The following KIF16B variants were observed in gnomAD, a reference collection of about 807,000 sequenced individuals.
KIF16B encodes the protein kinesin-like protein KIF16B.
Under a neutral mutation model 156.3 loss-of-function variants are expected in KIF16B, and 98 were observed. The observed-to-expected ratio is 0.63, with a 90% CI of 0.53 to 0.74. The LOEUF is 0.74. Ranked by LOEUF, KIF16B falls within the 30% of genes least tolerant of loss-of-function variation. The probability of loss-of-function intolerance (pLI) is 0.00; values close to 1 mark genes in which losing one functional copy is unlikely to be tolerated. For synonymous variants in KIF16B, 564 were observed against 583.7 expected (o/e 0.97, Z 0.49); for missense variants, 1,421 against 1,606.5 (o/e 0.88, Z 1.97).
intron 12 of KIF16B, among the ~76,000 whole-genome samples, chr20:16,492,353 C>T (rs576676635): frequency 6.6e-6 from 1 of 152,220 alleles, no homozygotes; most frequent in African/African-American, 2.4e-5. Context: ...ATATCAAACA[C>T]GAGCAGAAAA....
At chr20:16,469,561 T>TA (rs368181137) in intron 12 of KIF16B, among the ~76,000 whole-genome samples, 2,564 of 110,272 alleles carry the variant, frequency 0.023, 39 homozygotes, top group African/African-American at 0.038. Flanking sequence ...CCACCTTAAC[T>TA]AAAAAAAAAA....
At chr20:16,408,382 A>T (rs2065838839) in intron 15 of KIF16B, among the ~76,000 whole-genome samples, 1 of 152,118 alleles carries the variant, frequency 6.6e-6, no homozygotes, top group South Asian at 2.1e-4. Context: ...TTATGGCAAG[A>T]CCATTACCAT....
intron 1 of KIF16B, among the ~76,000 whole-genome samples, chr20:16,535,328 T>G (rs2069916841): frequency 6.6e-6 from 1 of 152,218 alleles, no homozygotes; most frequent in Admixed American, 6.5e-5. Context: ...GCTATTGACT[T>G]TTGTATGTTG....
intron 17 of KIF16B, among the ~76,000 whole-genome samples, chr20:16,401,303 C>T (rs1464198759): frequency 6.6e-6 from 1 of 152,208 alleles, no homozygotes; most frequent in Non-Finnish European, 1.5e-5. Flanking sequence ...CAAGATGAGG[C>T]CCTCTTCCCA....
chr20:16,476,770 C>T (rs569397308), intron 12 of KIF16B, among the ~76,000 whole-genome samples: 2 of 152,006 alleles, frequency 1.3e-5, no homozygotes, highest in Non-Finnish European at 2.9e-5. Flanking sequence ...TATTTATTTA[C>T]TTTTTTTGAG....
At chr20:16,413,281 C>T (rs777868771) in intron 15 of KIF16B, among the ~76,000 whole-genome samples, 6 of 152,108 alleles carry the variant, frequency 3.9e-5, no homozygotes, top group Non-Finnish European at 8.8e-5. Context: ...GGGGACATGA[C>T]ATTGTGAAAG....
chr20:16,537,889 A>G (rs904364737), intron 1 of KIF16B, among the ~76,000 whole-genome samples: 14 of 151,616 alleles, frequency 9.2e-5, no homozygotes, highest in African/African-American at 3.4e-4. Context: ...TTTTTAGTAG[A>G]GACGGGGTTT....
rs142402240 is a variant in KIF16B, at chr20:16,367,223, C to T, written c.3498+3363G>A. On this transcript the variant is annotated intron_variant, in intron 22 of 25. Coordinates refer to ENST00000354981, the MANE Select transcript of KIF16B (RefSeq NM_024704.5). ...AAAGTAAGTTTCCAGACCTCAGGTG[C>T]GACATTCTGACTGCCTTGAAGATAC... is the stretch of plus-strand genomic sequence containing the variant. 2.0e-3 allele frequency: 3,228 copies of T among 1,612,754 alleles called. 7 individuals carry two copies. Among genetic ancestry groups the T allele is most frequent in the Admixed American group, 4.5e-3 (268 of 60,018 alleles).
chr20:16,558,038 C>T (rs1237918139), intron 1 of KIF16B, among the ~76,000 whole-genome samples: 1 of 152,104 alleles, frequency 6.6e-6, no homozygotes, highest in Non-Finnish European at 1.5e-5. Context: ...ACAGGAAACA[C>T]CAGCAATAGG....
At chr20:16,406,536 G>A in intron 15 of KIF16B, 80 bp from the exon 16 acceptor site, 2 of 1,166,000 alleles carry the variant, frequency 1.7e-6, no homozygotes, top group South Asian at 1.2e-5. Flanking sequence ...GAATTCTACT[G>A]TTGAAATGTA....
Position 16,427,235 on chromosome 20 carries a change from T to C in KIF16B, c.1481A>G (p.His494Arg), listed in dbSNP as rs199868135. Residue 494 changes from histidine to arginine, a missense_variant, in exon 15 of 26, where the codon CAT (histidine) becomes CGT (arginine). Coordinates refer to ENST00000354981, the MANE Select transcript of KIF16B (RefSeq NM_024704.5). The stretch of plus-strand genomic sequence containing the variant: ...ATGCTCACTCTCCAAGTCAAGGCCA[T>C]GAAGAACTAAAGTGGAAAAACAAAG... ...DASTEQDIVL[H>R]GLDLESEHCI... 1 of 1,609,232 alleles carries C rather than the reference T, an allele frequency of 6.2e-7. No individual in the cohort carries two copies. Among genetic ancestry groups the C allele is most frequent in the East Asian group, 2.2e-5 (1 of 44,762 alleles).
intron 2 of KIF16B, among the ~76,000 whole-genome samples, chr20:16,527,451 G>A (rs1215473475): frequency 3.9e-5 from 6 of 152,218 alleles, no homozygotes; most frequent in South Asian, 2.1e-4. Context: ...GTGAACAGGA[G>A]ATAGATCTGA....
intron 12 of KIF16B, among the ~76,000 whole-genome samples, chr20:16,435,880 T>C (rs1381373187): frequency 6.6e-6 from 1 of 152,192 alleles, no homozygotes; most frequent in Non-Finnish European, 1.5e-5. Context: ...TATTCTACAA[T>C]CTTTCTTTTT....
intron 22 of KIF16B, among the ~76,000 whole-genome samples, chr20:16,363,243 C>T (rs981766136): frequency 8.5e-5 from 13 of 152,116 alleles, no homozygotes; most frequent in East Asian, 5.8e-4. Flanking sequence ...AGGGAGATTA[C>T]GGAAAGAATA....
In KIF16B at chr20:16,512,887, G is replaced by A; in HGVS notation, c.385C>T (p.Leu129Phe). 1.2e-6 allele frequency: 2 copies of A among 1,613,696 alleles called. No homozygotes were observed. Among genetic ancestry groups the A allele is most frequent in the Non-Finnish European group, 1.7e-6 (2 of 1,179,590 alleles). The stretch of plus-strand genomic sequence containing the variant: ...GTGGTTTCATTTATCCGACTGAAGA[G>A]TCCTTCACAGATCCGAGGTATTAAG... ...SGLIPRICEGLFSRINETTRW... is the reference protein window; with the variant it reads ...SGLIPRICEGFFSRINETTRW... The change falls in exon 5 of 26, where the codon CTC becomes TTC. Residue 129 changes from leucine to phenylalanine, a missense_variant. Coordinates refer to ENST00000354981, the MANE Select transcript of KIF16B (RefSeq NM_024704.5).
At chr20:16,372,022 T>C (rs1207312548) in intron 20 of KIF16B, among the ~76,000 whole-genome samples, 1 of 152,230 alleles carries the variant, frequency 6.6e-6, no homozygotes, top group Non-Finnish European at 1.5e-5. Flanking sequence ...AGTGATCCCA[T>C]CCACGTCCTT....
intron 22 of KIF16B, among the ~76,000 whole-genome samples, chr20:16,358,497 A>T (rs1468024275): frequency 6.6e-6 from 1 of 152,224 alleles, no homozygotes; most frequent in African/African-American, 2.4e-5. Context: ...TAAGATGTGG[A>T]ATCCAATCCT....
chr20:16,514,885 C>CA (rs10564862), intron 4 of KIF16B, among the ~76,000 whole-genome samples: 3,252 of 60,582 alleles, frequency 0.054, 477 homozygotes, highest in African/African-American at 0.078. Flanking sequence ...GATTCCATCT[C>CA]AAAAAAAAAA....
intron 22 of KIF16B, chr20:16,366,924 A>T: frequency 8.1e-7 from 1 of 1,235,580 alleles, no homozygotes; most frequent in South Asian, 3.2e-5. Flanking sequence ...AAAATGAAGC[A>T]AGGTGATGAT....
Sources: allele counts gnomAD v4.1 joint callset (sites outside exome capture counted in the v4.1 genomes callset), GRCh38; gene constraint gnomAD v4.1.1; transcripts MANE v1.5; gene names NCBI Gene and HGNC (gene_info 2026-07-23, HGNC 2026-07-21).